Variants in FHDC1 observed in about 807,000 individuals in gnomAD.
FHDC1 encodes the protein FH2 domain-containing protein 1.
In FHDC1, 25 loss-of-function variants were observed where a neutral mutation model predicts 52.6. The ratio of observed to expected loss-of-function variants is 0.48; its 90% CI spans 0.35 to 0.66. The LOEUF (loss-of-function observed/expected upper bound fraction) is 0.66, where lower values mean the gene tolerates loss of function less well. Among genes scored for constraint, FHDC1 ranks in the 30% least tolerant of loss-of-function variants. The probability of loss-of-function intolerance (pLI) is 0.01; values close to 1 mark genes in which losing one functional copy is unlikely to be tolerated. For missense variants in FHDC1, 1,459 were observed against 1,452.8 expected (o/e 1.00, Z -0.07); for synonymous variants, 616 against 581.5 (o/e 1.06, Z -0.85).
the FHDC1 span, among the ~76,000 whole-genome samples, chr4:152,922,022 G>A: frequency 6.6e-6 from 1 of 152,120 alleles, no homozygotes; most frequent in African/African-American, 2.4e-5. Flanking sequence ...CAGAACTGAA[G>A]GAAATAGAGA....
chr4:152,959,806 G>C (rs568530452), intron 4 of FHDC1, among the ~76,000 whole-genome samples: 2 of 152,248 alleles, frequency 1.3e-5, no homozygotes, highest in East Asian at 3.9e-4. Context: ...TGTACATATA[G>C]TATGTACATC....
chr4:152,913,220 G>GA, the FHDC1 span, among the ~76,000 whole-genome samples: 6 of 152,260 alleles, frequency 3.9e-5, no homozygotes, highest in South Asian at 2.1e-4. Context: ...TCCCATTGGG[G>GA]AAAAAATCCA....
At chr4:152,928,892 C>T in the FHDC1 span, among the ~76,000 whole-genome samples, 1 of 151,928 alleles carries the variant, frequency 6.6e-6, no homozygotes, top group Admixed American at 6.6e-5. Context: ...AGAAAGCTTC[C>T]ATCTCAAACC....
At chr4:152,948,312 A>G (rs1202394126) in intron 2 of FHDC1, among the ~76,000 whole-genome samples, 1 of 152,258 alleles carries the variant, frequency 6.6e-6, no homozygotes, top group Non-Finnish European at 1.5e-5. Flanking sequence ...CCTTGAGGAC[A>G]TTATGCTAAA....
chr4:152,954,448 AG>A, intron 4 of FHDC1, 129 bp downstream of exon 4: 1 of 632,402 alleles, frequency 1.6e-6, no homozygotes, highest in Non-Finnish European at 2.7e-6. Context: ...GCACTTTGGG[AG>A]GCAGAGGCAG....
chr4:152,975,276 C>T lies in FHDC1; in HGVS notation c.1985C>T (p.Pro662Leu), dbSNP rs746500263. 3 of 1,613,586 alleles carry T rather than the reference C, an allele frequency of 1.9e-6. No homozygotes were observed. In the East Asian group the frequency reaches 6.7e-5, roughly 36 times the overall value. The change falls in exon 12 of 12, where the codon CCT becomes CTT. Residue 662 changes from proline to leucine, a missense_variant. Coordinates refer to ENST00000511601, the MANE Select transcript of FHDC1 (RefSeq NM_001371116.1). ...PVSLGSAQSP[P>L]LSPLALGIKE... ...AGCCTGGGCTCAGCACAGTCCCCTC[C>T]TCTCTCGCCATTGGCTCTGGGAATT...
the FHDC1 span, among the ~76,000 whole-genome samples, chr4:152,924,218 T>G: frequency 4.4e-3 from 674 of 152,090 alleles, 1 homozygote; most frequent in Middle Eastern, 0.02. Context: ...CAGACACTTC[T>G]CAAAAGAAGA....
At chr4:152,967,929 G>A (rs368005773) in intron 9 of FHDC1, 51 bp from the exon 10 acceptor site, 1 of 1,368,026 alleles carries the variant, frequency 7.3e-7, no homozygotes, top group African/African-American at 1.4e-5. Context: ...ATACCTACAT[G>A]ACACATGGCT....
At position 152,960,139 on chromosome 4, in the gene FHDC1, G is replaced by A. The variant is rs117769595; in HGVS notation, c.664-426G>A. Among the ~76,000 whole-genome samples, 65 of 152,024 alleles carry A rather than the reference G, an allele frequency of 4.3e-4. No individual in the cohort carries two copies. In the East Asian group the frequency reaches 8.3e-3, roughly 19 times the overall value. On this transcript the variant is annotated intron_variant, in intron 4 of 11. Coordinates refer to ENST00000511601, the MANE Select transcript of FHDC1 (RefSeq NM_001371116.1). Reference sequence around the variant, plus strand: ...AATACTCAAAATAAGATTTTTTTCCGTTTATGACTTAAAGAACCATATTAT... The same window carrying A: ...AATACTCAAAATAAGATTTTTTTCCATTTATGACTTAAAGAACCATATTAT...
rs756218849 is a variant in FHDC1, at chr4:152,972,448, A to G, written c.1290A>G (p.Ile430Met). 1 of 1,613,934 alleles carries G rather than the reference A, an allele frequency of 6.2e-7. No individual in the cohort carries two copies. The highest frequency in any genetic ancestry group is 1.3e-5 in the African/African-American group (1 of 74,906). Residue 430 changes from isoleucine (I) to methionine (M), a missense_variant, in exon 11 of 12, where the codon ATA becomes ATG. Coordinates refer to ENST00000511601, the MANE Select transcript of FHDC1 (RefSeq NM_001371116.1). The stretch of plus-strand genomic sequence containing the variant: ...TCCAGGATGAGGCCTACACCCTTAT[A>G]GATTTTTTCTGTGAAGACAAAAAAA... ...QELQDEAYTL[I>M]DFFCEDKKTM...
At chr4:152,934,141 C>G (rs565403839), upstream of FHDC1, among the ~76,000 whole-genome samples, 345 of 152,274 alleles carry the variant, frequency 2.3e-3, no homozygotes, top group Admixed American at 3.6e-3. Flanking sequence ...CTTGTTCCCT[C>G]TTCCACTACT....
At chr4:152,964,695 A>C (rs1007832861) in intron 8 of FHDC1, among the ~76,000 whole-genome samples, 1 of 152,228 alleles carries the variant, frequency 6.6e-6, no homozygotes, top group Non-Finnish European at 1.5e-5. Flanking sequence ...TGTCAAGATC[A>C]ATTGCTCTGG....
chr4:152,922,325 A>T, the FHDC1 span, among the ~76,000 whole-genome samples: 1 of 152,240 alleles, frequency 6.6e-6, no homozygotes, highest in Non-Finnish European at 1.5e-5. Flanking sequence ...TGAATCTCTG[A>T]ATAGACCAAT....
chr4:152,923,365 A>G, the FHDC1 span, among the ~76,000 whole-genome samples: 1 of 152,228 alleles, frequency 6.6e-6, no homozygotes, highest in Admixed American at 6.5e-5. Flanking sequence ...AAGAGAATAC[A>G]AAGAAATGGA....
In FHDC1 at chr4:152,975,415, T is replaced by A. The variant is rs760900104; in HGVS notation, c.2124T>A (p.Ser708=). The A allele has an allele frequency of 1.8e-5, 29 of 1,613,428 alleles. No individual in the cohort carries two copies. Among genetic ancestry groups the A allele is most frequent in the Non-Finnish European group, 1.7e-5 (20 of 1,180,036 alleles). ...LSDFSPMELE[S]VGHRGPQSLS... ...ACTTCAGCCCGATGGAGCTAGAGTCTGTGGGGCATAGGGGCCCGCAGTCCC... is the reference window on the plus strand; with the variant it reads ...ACTTCAGCCCGATGGAGCTAGAGTCAGTGGGGCATAGGGGCCCGCAGTCCC... Residue 708 remains serine (S), a synonymous_variant, in exon 12 of 12, where the codon TCT becomes TCA. Coordinates refer to ENST00000511601, the MANE Select transcript of FHDC1 (RefSeq NM_001371116.1).
In FHDC1 at chr4:152,974,690, G is replaced by A; in HGVS notation, c.1399G>A (p.Glu467Lys). ...CATCCCTCAGGACAACCACGACCGGGAGGCGCAGGAGCTGAGGCAGCTGCA... is the reference window on the plus strand; with the variant it reads ...CATCCCTCAGGACAACCACGACCGGAAGGCGCAGGAGCTGAGGCAGCTGCA... ...NKAVKDNHDR[E>K]AQELRQLQRL... is the part of the protein sequence containing the mutation. The change falls in exon 12 of 12, where the codon GAG becomes AAG. Residue 467 changes from glutamate to lysine, a missense_variant. Physicochemically the swap from Glu to Lys is moderately conservative, Grantham distance 56. Coordinates refer to ENST00000511601, the MANE Select transcript of FHDC1 (RefSeq NM_001371116.1). 2 of 1,510,090 alleles carry A rather than the reference G, an allele frequency of 1.3e-6. No individual in the cohort carries two copies. Among genetic ancestry groups the A allele is most frequent in the African/African-American group, 1.4e-5 (1 of 71,648 alleles). 93.5% of individuals were successfully genotyped at this position (1,510,090 alleles called of 1,614,324 possible).
At chr4:152,972,170 G>C (rs1381264985) in intron 10 of FHDC1, among the ~76,000 whole-genome samples, 2 of 152,112 alleles carry the variant, frequency 1.3e-5, no homozygotes, top group Non-Finnish European at 2.9e-5. Flanking sequence ...TCTCACACGG[G>C]ACTTCACCTT....
intron 6 of FHDC1, among the ~76,000 whole-genome samples, chr4:152,961,863 G>A (rs190883939): frequency 3.3e-5 from 5 of 152,188 alleles, no homozygotes; most frequent in South Asian, 2.1e-4. Flanking sequence ...CTATTGCAGC[G>A]ACTTTGGAAG....
In FHDC1 at chr4:152,974,867, C is replaced by T. The variant is rs747167766; in HGVS notation, c.1576C>T (p.Pro526Ser). 6.2e-7 allele frequency: 1 copy of T among 1,606,020 alleles called. No homozygotes were observed. Among genetic ancestry groups the T allele is most frequent in the Non-Finnish European group, 8.5e-7 (1 of 1,176,452 alleles). The change falls in exon 12 of 12, where the codon CCC becomes TCC. Residue 526 changes from proline (P) to serine (S), a missense_variant. Physicochemically the swap from Pro to Ser is moderately conservative, Grantham distance 74 (BLOSUM62 -1). Coordinates refer to ENST00000511601, the MANE Select transcript of FHDC1 (RefSeq NM_001371116.1). ...LPFLHPRPIS[P>S]SSPSYRPPNT... ...TTTCCTGCACCCCAGGCCCATCAGCCCCTCCAGCCCCTCCTACCGGCCCCC... is the reference window on the plus strand; with the variant it reads ...TTTCCTGCACCCCAGGCCCATCAGCTCCTCCAGCCCCTCCTACCGGCCCCC...
Sources: allele counts gnomAD v4.1 joint callset (sites outside exome capture counted in the v4.1 genomes callset), GRCh38; gene constraint gnomAD v4.1.1; transcripts MANE v1.5; gene names NCBI Gene and HGNC (gene_info 2026-07-23, HGNC 2026-07-21).